Variants in CDK6 observed in about 807,000 individuals in gnomAD.
CDK6 encodes the protein cyclin-dependent kinase 6.
Under a neutral mutation model 37.1 loss-of-function variants are expected in CDK6, and 6 were observed. The observed-to-expected ratio is 0.16, with a 90% CI of 0.09 to 0.32. The LOEUF (loss-of-function observed/expected upper bound fraction) is 0.32, where lower values mean the gene tolerates loss of function less well. CDK6 is among the 10% of genes least tolerant of loss of function. The probability of loss-of-function intolerance (pLI) is 1.00; values close to 1 mark genes in which losing one functional copy is unlikely to be tolerated. For missense variants in CDK6, 224 were observed against 418.9 expected (o/e 0.53, Z 4.06); for synonymous variants, 160 against 161.3 (o/e 0.99, Z 0.06).
rs192214930 is a variant in CDK6 at position 92,738,951 on chromosome 7, T to C, written c.370-13158A>G. Among the ~76,000 whole-genome samples the C allele has an allele frequency of 1.6e-3, 240 of 152,276 alleles. 2 individuals are homozygous for C. The highest frequency in any genetic ancestry group is 5.4e-3 in the African/African-American group (226 of 41,560). Reference sequence around the variant, plus strand: ...AAAAATTGGCTTCCACTTTTTCTTATACTGGTCCTCTAAGGCCTAATCTCA... The same window carrying C: ...AAAAATTGGCTTCCACTTTTTCTTACACTGGTCCTCTAAGGCCTAATCTCA... On this transcript the variant is annotated intron_variant, in intron 3 of 7. Transcript: ENST00000424848.
chr7:92,801,413 C>T (rs1237081915), intron 2 of CDK6, among the ~76,000 whole-genome samples: 2 of 152,060 alleles, frequency 1.3e-5, no homozygotes, highest in East Asian at 1.9e-4. Context: ...CTCTCTCTCT[C>T]TCTATCTGAA....
At chr7:92,627,865 A>T (rs1795963922) in intron 5 of CDK6, among the ~76,000 whole-genome samples, 1 of 152,068 alleles carries the variant, frequency 6.6e-6, no homozygotes, top group Non-Finnish European at 1.5e-5. Flanking sequence ...AACATTACGG[A>T]TTCAGGAGGA....
In CDK6 at chr7:92,660,967, T is replaced by C. The variant is rs546302621; in HGVS notation, c.647+10459A>G. 2.6e-5 allele frequency among the ~76,000 whole-genome samples: 4 copies of C among 152,284 alleles called. No individual in the cohort carries two copies. In the South Asian group the frequency reaches 8.3e-4, roughly 32 times the overall value. On this transcript the variant is annotated intron_variant, in intron 5 of 7. Coordinates refer to ENST00000424848, the MANE Select transcript of CDK6 (RefSeq NM_001145306.2). ...TCTATATCTTATCTAGATAGAATTC[T>C]TTGTAAACACCTAGGTTTGGGAGAA...
At chr7:92,804,610 T>A (rs1180466944) in intron 2 of CDK6, among the ~76,000 whole-genome samples, 1 of 152,250 alleles carries the variant, frequency 6.6e-6, no homozygotes, top group African/African-American at 2.4e-5. Context: ...GTTGGACTTA[T>A]GTGTTTTTTC....
chr7:92,644,313 T>C (rs537062651), intron 5 of CDK6, among the ~76,000 whole-genome samples: 73 of 152,190 alleles, frequency 4.8e-4, no homozygotes, highest in Non-Finnish European at 8.2e-4. Flanking sequence ...CCCATGGATA[T>C]ATGGGGTTGG....
chr7:92,658,581 T>TTCTCTCTC (rs3839839), intron 5 of CDK6, among the ~76,000 whole-genome samples: 1 of 146,440 alleles, frequency 6.8e-6, no homozygotes, highest in Admixed American at 6.8e-5. Flanking sequence ...CTCTCTCTCT[T>TTCTCTCTC]TCTCTCTCTC....
intron 2 of CDK6, among the ~76,000 whole-genome samples, chr7:92,823,412 T>C (rs1801224580): frequency 8.0e-6 from 1 of 125,244 alleles, no homozygotes; most frequent in African/African-American, 3.1e-5. Context: ...ATTAGCAGAA[T>C]GTTACCACTC....
chr7:92,731,691 T>TC (rs1798654526), intron 3 of CDK6, among the ~76,000 whole-genome samples: 1 of 152,156 alleles, frequency 6.6e-6, no homozygotes, highest in African/African-American at 2.4e-5. Flanking sequence ...CACTTTTTAT[T>TC]CATTCCTGGA....
At chr7:92,672,188 C>CAG (rs1797097034) in intron 4 of CDK6, among the ~76,000 whole-genome samples, 1 of 96,798 alleles carries the variant, frequency 1.0e-5, no homozygotes, top group Non-Finnish European at 2.0e-5. Flanking sequence ...CACACAGACA[C>CAG]ATACACACAC....
At chr7:92,693,685 T>C (rs1797646223) in intron 4 of CDK6, among the ~76,000 whole-genome samples, 1 of 152,376 alleles carries the variant, frequency 6.6e-6, no homozygotes, top group East Asian at 1.9e-4. Flanking sequence ...ACAGTCAATC[T>C]TTCTTTTCCA....
intron 3 of CDK6, among the ~76,000 whole-genome samples, chr7:92,763,000 CA>C (rs781416115): frequency 8.3e-4 from 127 of 152,198 alleles, no homozygotes; most frequent in Admixed American, 1.4e-3. Context: ...ATCTTTGCTA[CA>C]TTTGGTTTAA....
At chr7:92,719,833 C>T (rs549974984) in intron 4 of CDK6, among the ~76,000 whole-genome samples, 3 of 152,268 alleles carry the variant, frequency 2.0e-5, no homozygotes, top group Non-Finnish European at 4.4e-5. Context: ...GAGTGGCTGG[C>T]TCTAACTGCC....
In CDK6 at chr7:92,661,954, T is replaced by C. The variant is rs560849671; in HGVS notation, c.647+9472A>G. Among the ~76,000 whole-genome samples, 57 of 152,288 alleles carry C rather than the reference T, an allele frequency of 3.7e-4. No individual in the cohort carries two copies. The South Asian group carries it at 5.2e-3, about 14-fold the overall frequency. ...AAGTGAAGAAGAAGTGGAGGCTACATGTAGAGACACTATTCTTTCAAGAAG... is the reference window on the plus strand; with the variant it reads ...AAGTGAAGAAGAAGTGGAGGCTACACGTAGAGACACTATTCTTTCAAGAAG... On this transcript the variant is annotated intron_variant, in intron 5 of 7. Coordinates refer to ENST00000424848, the MANE Select transcript of CDK6 (RefSeq NM_001145306.2).
rs1801570686 is a variant in CDK6, at chr7:92,833,873, T to G, written c.-367-183A>C. The G allele has an allele frequency of 2.5e-6, 1 of 398,660 alleles. No homozygotes were observed. Among genetic ancestry groups the G allele is most frequent in the Admixed American group, 4.4e-5 (1 of 22,724 alleles). The allele number at this position is 398,660 out of a possible 1,614,324, so 24.7% of individuals were successfully genotyped here. On this transcript the variant is annotated intron_variant, in intron 1 of 7. Transcript: ENST00000424848. The surrounding 1 kb of genome is among the most constrained non-coding windows in gnomAD (Gnocchi z 6.1). Reference sequence around the variant, plus strand: ...GTTCCTCCGAGAAAAGCGAAGTTACTTTTCTTTCCCTGCAGGGCTGAAGCC... The same window carrying G: ...GTTCCTCCGAGAAAAGCGAAGTTACGTTTCTTTCCCTGCAGGGCTGAAGCC...
chr7:92,741,814 T>C (rs1269158629), intron 3 of CDK6, among the ~76,000 whole-genome samples: 1 of 152,188 alleles, frequency 6.6e-6, no homozygotes, highest in Non-Finnish European at 1.5e-5. Flanking sequence ...TAATGGCACA[T>C]AACTTTCTAA....
At chr7:92,753,216 T>C (rs1379491315) in intron 3 of CDK6, among the ~76,000 whole-genome samples, 1 of 152,098 alleles carries the variant, frequency 6.6e-6, no homozygotes, top group Non-Finnish European at 1.5e-5. Context: ...CAATTACTGA[T>C]GATCCCCTAA....
At chr7:92,618,583 T>C (rs1278611381) in intron 6 of CDK6, among the ~76,000 whole-genome samples, 1 of 152,224 alleles carries the variant, frequency 6.6e-6, no homozygotes, top group African/African-American at 2.4e-5. Context: ...TATCTTCCTT[T>C]ATGTCCAAGA....
intron 4 of CDK6, among the ~76,000 whole-genome samples, chr7:92,717,968 T>A (rs1055008023): frequency 6.6e-6 from 1 of 152,194 alleles, no homozygotes; most frequent in Non-Finnish European, 1.5e-5. Flanking sequence ...TGTGTTTTAT[T>A]ACCACTGAGA....
chr7:92,806,809 C>T (rs139735362), intron 2 of CDK6, among the ~76,000 whole-genome samples: 82 of 152,144 alleles, frequency 5.4e-4, no homozygotes, highest in Non-Finnish European at 1.0e-3. Context: ...CCTTTACCTG[C>T]GCTTCACTGC....
Sources: gnomAD v4.1 joint callset for allele counts (sites outside exome capture counted in the v4.1 genomes callset) on GRCh38, gnomAD v4.1.1 for gene constraint, Gnocchi (gnomAD v3.1) non-coding constraint, MANE v1.5 for transcripts, NCBI Gene and HGNC (gene_info 2026-07-23, HGNC 2026-07-21) for gene names.